NLRC4: variants seen among roughly 807,000 people sequenced by gnomAD.
NLRC4 encodes the protein NLR family CARD domain containing 4, also known as NLR family CARD domain-containing protein 4.
In NLRC4, 63 loss-of-function variants were observed where a neutral mutation model predicts 79.9. That is an observed-to-expected ratio of 0.79 (90% CI 0.64 to 0.97). The LOEUF is 0.97. NLRC4 is among the 50% of genes least tolerant of loss of function. The probability of loss-of-function intolerance (pLI) is 0.00; values close to 1 mark genes in which losing one functional copy is unlikely to be tolerated. For synonymous variants in NLRC4, 461 were observed against 456.5 expected (o/e 1.01, Z -0.12); for missense variants, 1,074 against 1,215.2 (o/e 0.88, Z 1.73).
chr2:32,256,947 A>G, intron 1 of NLRC4, 54 bp from the exon 2 acceptor site: 1 of 566,168 alleles, frequency 1.8e-6, no homozygotes, highest in Non-Finnish European at 3.2e-6. Flanking sequence ...GGCTGATGCA[A>G]TTATCTAGGT....
At chr2:32,241,983 A>T (rs1460971163) in intron 4 of NLRC4, among the ~76,000 whole-genome samples, 3 of 152,144 alleles carry the variant, frequency 2.0e-5, no homozygotes, top group Non-Finnish European at 4.4e-5. Flanking sequence ...AAAATAAATG[A>T]AAGAAGAAAG....
intron 1 of NLRC4, among the ~76,000 whole-genome samples, chr2:32,257,871 G>T (rs766817932): frequency 2.6e-5 from 4 of 152,080 alleles, no homozygotes; most frequent in Non-Finnish European, 2.9e-5. Context: ...GTGTCTAGTG[G>T]TGAATGTTTA....
intron 8 of NLRC4, among the ~76,000 whole-genome samples, chr2:32,227,171 T>A (rs1466535082): frequency 1.4e-5 from 2 of 147,444 alleles, no homozygotes; most frequent in African/African-American, 2.5e-5. Flanking sequence ...AATAGAGGAG[T>A]AAAAAAAAAA....
At chr2:32,234,366 A>T (rs1030245864) in intron 8 of NLRC4, among the ~76,000 whole-genome samples, 7 of 150,146 alleles carry the variant, frequency 4.7e-5, no homozygotes, top group African/African-American at 1.8e-4. Context: ...TGGGCGACAG[A>T]GCAAGACTCT....
chr2:32,237,226 A>G lies in NLRC4; in HGVS notation c.2522-887T>C, dbSNP rs551008590. On this transcript the variant is annotated intron_variant, in intron 6 of 8. Coordinates refer to ENST00000402280, the MANE Select transcript of NLRC4 (RefSeq NM_001199138.2). ...TTTAAAAAAATCAGACAAGTTTTTC[A>G]TGAATATGTACTCTTGTTATAATAT... is the stretch of plus-strand genomic sequence containing the variant. Among the ~76,000 whole-genome samples, 17 of 152,314 alleles carry G rather than the reference A, an allele frequency of 1.1e-4. 1 individual carries two copies. The highest frequency in any genetic ancestry group is 3.4e-3 in the Middle Eastern group (1 of 294).
chr2:32,261,068 C>T (rs1687331801), intron 1 of NLRC4, among the ~76,000 whole-genome samples: 1 of 151,316 alleles, frequency 6.6e-6, no homozygotes, highest in South Asian at 2.1e-4. Flanking sequence ...TGGTGGGCGC[C>T]TGTAGTCCCA....
At chr2:32,262,587 C>T (rs1359084854) in intron 1 of NLRC4, among the ~76,000 whole-genome samples, 1 of 152,016 alleles carries the variant, frequency 6.6e-6, no homozygotes, top group Non-Finnish European at 1.5e-5. Context: ...CCAGCCTGGC[C>T]AACATGGTGA....
chr2:32,259,506 A>T (rs568703084), intron 1 of NLRC4, among the ~76,000 whole-genome samples: 1 of 151,888 alleles, frequency 6.6e-6, no homozygotes, highest in Non-Finnish European at 1.5e-5. Context: ...TGCATATTCA[A>T]TGTAAGTTGC....
chr2:32,258,278 C>G (rs975534651), intron 1 of NLRC4, among the ~76,000 whole-genome samples: 2 of 152,308 alleles, frequency 1.3e-5, no homozygotes, highest in South Asian at 4.1e-4. Flanking sequence ...GGACGTCCAG[C>G]TGCTTGTATG....
chr2:32,241,731 A>G (rs1346028065), intron 4 of NLRC4, among the ~76,000 whole-genome samples: 1 of 152,188 alleles, frequency 6.6e-6, no homozygotes, highest in Non-Finnish European at 1.5e-5. Context: ...TTTTTAAATA[A>G]TCATGCATTA....
intron 1 of NLRC4, among the ~76,000 whole-genome samples, chr2:32,262,600 C>A (rs955998136): frequency 6.6e-6 from 1 of 151,940 alleles, no homozygotes; most frequent in African/African-American, 2.4e-5. Flanking sequence ...CATGGTGAAA[C>A]CCCATCTCTG....
intron 8 of NLRC4, 33 bp from the exon 9 acceptor site, chr2:32,224,798 A>C (rs755753140): frequency 2.0e-6 from 2 of 1,013,740 alleles, no homozygotes; most frequent in Non-Finnish European, 2.7e-6. Flanking sequence ...TAGTTGGAAG[A>C]AAAATTTTTT....
intron 4 of NLRC4, 136 bp from the exon 5 acceptor site, chr2:32,241,261 C>A: frequency 8.7e-6 from 5 of 573,756 alleles, no homozygotes; most frequent in East Asian, 3.5e-5. Context: ...ATGAAATAGA[C>A]ATAAAAATAT....
intron 4 of NLRC4, among the ~76,000 whole-genome samples, chr2:32,243,217 T>C (rs1363829981): frequency 6.6e-6 from 1 of 151,586 alleles, no homozygotes; most frequent in Non-Finnish European, 1.5e-5. Flanking sequence ...GACACCAGCC[T>C]GGCCAACATG....
At chr2:32,261,135 G>C (rs1406386870) in intron 1 of NLRC4, among the ~76,000 whole-genome samples, 2 of 150,558 alleles carry the variant, frequency 1.3e-5, no homozygotes, top group East Asian at 2.0e-4. Flanking sequence ...GGAGCTTGCA[G>C]TGAGCCGAGA....
chr2:32,243,400 AC>A (rs990103990), intron 4 of NLRC4, among the ~76,000 whole-genome samples: 1 of 151,654 alleles, frequency 6.6e-6, no homozygotes, highest in African/African-American at 2.4e-5. Flanking sequence ...ACAGAGTGAG[AC>A]CCCATCTCGA....
At chr2:32,227,536 C>T (rs141733827) in intron 8 of NLRC4, among the ~76,000 whole-genome samples, 15 of 152,262 alleles carry the variant, frequency 9.9e-5, no homozygotes, top group East Asian at 7.7e-4. Context: ...AAGGCTCTTT[C>T]CCCAAAGATC....
intron 1 of NLRC4, among the ~76,000 whole-genome samples, chr2:32,261,614 A>G (rs1687352923): frequency 6.8e-6 from 1 of 147,186 alleles, no homozygotes; most frequent in Non-Finnish European, 1.5e-5. Flanking sequence ...CCGGCCTAAA[A>G]CTCCACTCTC....
Position 32,261,316 on chromosome 2 carries a change from C to CCCCTTTTTTTTTTTTTTTTTTTTTTTTT in NLRC4, c.-119+3421_-119+3422insAAAAAAAAAAAAAAAAAAAAAAAAAGGG. 1.4e-3 allele frequency among the ~76,000 whole-genome samples: 133 copies of CCCCTTTTTTTTTTTTTTTTTTTTTTTTT among 96,914 alleles called. 4 individuals carry two copies. Among genetic ancestry groups the CCCCTTTTTTTTTTTTTTTTTTTTTTTTT allele is most frequent in the Non-Finnish European group, 2.3e-3 (111 of 48,100 alleles). The allele number at this position is 96,914 out of a possible 152,430, so 63.6% of individuals were successfully genotyped here. ...TTCTTTCGCCTATTAAGCCTCCCCC[C>CCCCTTTTTTTTTTTTTTTTTTTTTTTTT]TTTTGTTTTTTTTTGAGATGGAGCC... is the stretch of plus-strand genomic sequence containing the variant. On this transcript the variant is annotated intron_variant, in intron 1 of 8. Transcript: ENST00000402280.
Sources: allele counts gnomAD v4.1 joint callset (sites outside exome capture counted in the v4.1 genomes callset), GRCh38; gene constraint gnomAD v4.1.1; transcripts MANE v1.5; gene names NCBI Gene and HGNC (gene_info 2026-07-23, HGNC 2026-07-21).